The following PAFAH1B1 variants were observed in gnomAD, a reference collection of about 807,000 sequenced individuals.
The protein encoded by PAFAH1B1 is platelet activating factor acetylhydrolase 1b regulatory subunit 1.
Under a neutral mutation model 57.5 loss-of-function variants are expected in PAFAH1B1, and 2 were observed. The observed-to-expected ratio is 0.03, with a 90% confidence interval of 0.01 to 0.11. PAFAH1B1 has a LOEUF of 0.11. Among genes scored for constraint, PAFAH1B1 ranks in the 10% least tolerant of loss-of-function variants. PAFAH1B1 has a pLI of 1.00. For synonymous variants in PAFAH1B1, 152 were observed against 169.6 expected (o/e 0.90, Z 0.81); for missense variants, 257 against 512.0 (o/e 0.50, Z 4.81).
intron 1 of PAFAH1B1, among the ~76,000 whole-genome samples, chr17:2,634,192 A>G (rs777015314): frequency 8.6e-5 from 13 of 151,838 alleles, no homozygotes; most frequent in Admixed American, 2.6e-4. Flanking sequence ...CTGGAGTGCA[A>G]TGGCTCAATT....
intron 1 of PAFAH1B1, among the ~76,000 whole-genome samples, chr17:2,603,902 T>C (rs1360901158): frequency 6.6e-6 from 1 of 151,772 alleles, no homozygotes; most frequent in East Asian, 1.9e-4. Context: ...CACGCGCGGC[T>C]AATTTTTGTA....
At chr17:2,603,339 G>C (rs1005664800) in intron 1 of PAFAH1B1, among the ~76,000 whole-genome samples, 2 of 152,118 alleles carry the variant, frequency 1.3e-5, no homozygotes, top group Non-Finnish European at 2.9e-5. Context: ...TCAAAATACA[G>C]GCCAGGCGCG....
Position 2,680,313 on chromosome 17 carries a change from C to T in PAFAH1B1, c.1152C>T (p.Thr384=). The part of the protein sequence containing the change: ...KTLNAHEHFV[T]SLDFHKTAPY... The stretch of plus-strand genomic sequence containing the variant: ...TCAATGCGCATGAACACTTTGTTAC[C>T]TCCTTGGGTATGTACGCCTCGCGAG... Residue 384 remains threonine (T), a synonymous_variant, in exon 10 of 11, where the codon ACC becomes ACT. Coordinates refer to ENST00000397195, the MANE Select transcript of PAFAH1B1 (RefSeq NM_000430.4). The T allele has an allele frequency of 6.2e-7, 1 of 1,613,956 alleles. No homozygotes were observed. Among genetic ancestry groups the T allele is most frequent in the Non-Finnish European group, 8.5e-7 (1 of 1,179,898 alleles).
chr17:2,667,674 A>T (rs1397731857), intron 5 of PAFAH1B1, among the ~76,000 whole-genome samples: 1 of 151,952 alleles, frequency 6.6e-6, no homozygotes, highest in Non-Finnish European at 1.5e-5. Flanking sequence ...TGATAGGGTG[A>T]ATCTATACTG....
chr17:2,676,097 G>A (rs1208167499), intron 8 of PAFAH1B1, among the ~76,000 whole-genome samples: 1 of 152,334 alleles, frequency 6.6e-6, no homozygotes, highest in African/African-American at 2.4e-5. Flanking sequence ...AATTGGGCTG[G>A]GCGCAGTGGC....
chr17:2,665,334 G>A (rs372762245), intron 2 of PAFAH1B1, 38 bp from the exon 3 acceptor site: 370 of 1,071,802 alleles, frequency 3.5e-4, no homozygotes, highest in Middle Eastern at 2.6e-3. Context: ...ATAGAAATGA[G>A]GTCTTTTTTT....
chr17:2,681,859 C>T lies in PAFAH1B1; in HGVS notation c.*57C>T. 2 of 1,218,522 alleles carry T rather than the reference C, an allele frequency of 1.6e-6. No homozygotes were observed. Among genetic ancestry groups the T allele is most frequent in the African/African-American group, 1.5e-5 (1 of 66,116 alleles). The allele number at this position is 1,218,522 out of a possible 1,614,324, so 75.5% of individuals were successfully genotyped here. ...TCCTCTGGATGCACTCTGATGATAC[C>T]ATGGTTACCCCATTGAGCTCTGTTT... On this transcript the variant is annotated 3_prime_UTR_variant, in exon 11 of 11. Coordinates refer to ENST00000397195, the MANE Select transcript of PAFAH1B1 (RefSeq NM_000430.4).
intron 6 of PAFAH1B1, among the ~76,000 whole-genome samples, chr17:2,672,270 C>G (rs1037821787): frequency 1.2e-5 from 1 of 81,994 alleles, no homozygotes; most frequent in Non-Finnish European, 2.1e-5. Flanking sequence ...GGTAACAGAG[C>G]AAGTCCTTGC....
chr17:2,606,126 A>C (rs1023322024), intron 1 of PAFAH1B1, among the ~76,000 whole-genome samples: 3 of 152,172 alleles, frequency 2.0e-5, no homozygotes, highest in African/African-American at 4.8e-5. Context: ...TCCCTTTTTA[A>C]AAATGGGTAA....
intron 7 of PAFAH1B1, chr17:2,673,751 A>C (rs2069218507): frequency 3.0e-6 from 1 of 328,782 alleles, no homozygotes; most frequent in Non-Finnish European, 5.7e-6. Context: ...TACTAGTTTT[A>C]CTCAGATTAG....
At chr17:2,628,227 C>G (rs1310539500) in intron 1 of PAFAH1B1, among the ~76,000 whole-genome samples, 1 of 152,046 alleles carries the variant, frequency 6.6e-6, no homozygotes, top group Non-Finnish European at 1.5e-5. Context: ...TCATAGTTGG[C>G]TTTTATTATG....
chr17:2,683,401 T>C lies in PAFAH1B1; in HGVS notation c.*1599T>C, dbSNP rs2069416633. 1 of 152,244 alleles carries C rather than the reference T, an allele frequency of 6.6e-6. No individual in the cohort carries two copies. The highest frequency in any genetic ancestry group is 1.5e-5 in the Non-Finnish European group (1 of 68,052). The allele number at this position is 152,244 out of a possible 1,614,324, so 9.4% of individuals were successfully genotyped here. On this transcript the variant is annotated 3_prime_UTR_variant, in exon 11 of 11. Coordinates refer to ENST00000397195, the MANE Select transcript of PAFAH1B1 (RefSeq NM_000430.4). ...AGATAAAATTCTGAACTGCGTTTTATTCATTTGTGTACTATGTGATTTTTT... is the reference window on the plus strand; with the variant it reads ...AGATAAAATTCTGAACTGCGTTTTACTCATTTGTGTACTATGTGATTTTTT...
intron 2 of PAFAH1B1, among the ~76,000 whole-genome samples, chr17:2,663,463 C>T (rs936364268): frequency 1.3e-5 from 2 of 152,042 alleles, no homozygotes; most frequent in African/African-American, 4.8e-5. Flanking sequence ...TCACAGCTTG[C>T]TGCAACCTCA....
intron 9 of PAFAH1B1, chr17:2,679,819 A>G (rs1169335509): frequency 3.5e-6 from 1 of 287,120 alleles, no homozygotes; most frequent in Non-Finnish European, 6.7e-6. Flanking sequence ...TTTAGCATGA[A>G]CCACCTAAGA....
chr17:2,654,204 T>C (rs2068906100), intron 2 of PAFAH1B1, among the ~76,000 whole-genome samples: 2 of 151,966 alleles, frequency 1.3e-5, no homozygotes, highest in South Asian at 4.1e-4. Flanking sequence ...TTTTTTTTTT[T>C]TTTAAAGACA....
In PAFAH1B1 at chr17:2,608,940, C is replaced by G. The variant is rs538293331; in HGVS notation, c.-191+14934C>G. On this transcript the variant is annotated intron_variant, in intron 1 of 10. Coordinates refer to ENST00000397195, the MANE Select transcript of PAFAH1B1 (RefSeq NM_000430.4). ...TTCATTCTGTTTTCTTCCGTCTCTT[C>G]AACCATTCAAACATATTTATTCATT... Among the ~76,000 whole-genome samples the G allele has an allele frequency of 3.9e-5, 6 of 152,328 alleles. No homozygotes were observed. In the South Asian group the frequency reaches 1.2e-3, roughly 32 times the overall value.
At position 2,684,901 on chromosome 17, in the gene PAFAH1B1, T is replaced by C. The variant is rs1433243451; in HGVS notation, c.*3099T>C. ...TCTGTTTCTGTGTGAACTTTCCCGG[T>C]AATATCACTCGTTAAATAGGTTTTC... On this transcript the variant is annotated 3_prime_UTR_variant, in exon 11 of 11. Transcript: ENST00000397195. 2.0e-5 allele frequency: 3 copies of C among 152,352 alleles called. No homozygotes were observed. The South Asian group carries it at 6.2e-4, about 32-fold the overall frequency. The allele number at this position is 152,352 out of a possible 1,614,324, so 9.4% of individuals were successfully genotyped here.
At chr17:2,630,658 T>TAGC (rs1206332588) in intron 1 of PAFAH1B1, among the ~76,000 whole-genome samples, 1 of 152,212 alleles carries the variant, frequency 6.6e-6, no homozygotes, top group Non-Finnish European at 1.5e-5. Flanking sequence ...TCTAGGTCTC[T>TAGC]AGCAGGGCCG....
intron 2 of PAFAH1B1, among the ~76,000 whole-genome samples, chr17:2,652,848 AAGTC>A (rs2151646645): frequency 6.6e-6 from 1 of 152,254 alleles, no homozygotes; most frequent in African/African-American, 2.4e-5. Flanking sequence ...ACCGTTATGG[AAGTC>A]AGTGTGGCGA....
Sources: allele counts gnomAD v4.1 joint callset (sites outside exome capture counted in the v4.1 genomes callset), GRCh38; gene constraint gnomAD v4.1.1; transcripts MANE v1.5; gene names NCBI Gene and HGNC (gene_info 2026-07-23, HGNC 2026-07-21).